KLHL1: variants seen among roughly 807,000 people sequenced by gnomAD.
KLHL1 encodes kelch like family member 1, also known as kelch-like protein 1.
Under a neutral mutation model 77.7 loss-of-function variants are expected in KLHL1, and 47 were observed. The ratio of observed to expected loss-of-function variants is 0.60; its 90% CI spans 0.48 to 0.77. The LOEUF is 0.77. KLHL1 is among the 30% of genes least tolerant of loss of function. The pLI, the probability that KLHL1 is intolerant of heterozygous loss-of-function variation, is 0.00. For missense variants in KLHL1, 925 were observed against 910.8 expected, an observed-to-expected ratio of 1.02 and a Z score of -0.20; for synonymous variants, 360 against 325.2, an observed-to-expected ratio of 1.11 and a Z score of -1.15.
chr13:69,932,784 TA>T (rs1159304846), intron 4 of KLHL1, among the ~76,000 whole-genome samples: 1 of 151,818 alleles, frequency 6.6e-6, no homozygotes, highest in Non-Finnish European at 1.5e-5. Flanking sequence ...AATATGCAAA[TA>T]AGGACACTAA....
At chr13:69,865,828 A>G (rs1880347112) in intron 5 of KLHL1, among the ~76,000 whole-genome samples, 1 of 152,194 alleles carries the variant, frequency 6.6e-6, no homozygotes, top group Admixed American at 6.6e-5. Flanking sequence ...TCTCCTAAGA[A>G]ATTGATCAAT....
chr13:70,020,686 G>T (rs940666232), intron 1 of KLHL1, among the ~76,000 whole-genome samples: 1 of 151,856 alleles, frequency 6.6e-6, no homozygotes. Flanking sequence ...ATCACAAGTC[G>T]GCTGAATGCA....
chr13:70,012,476 G>A (rs1015320504), intron 1 of KLHL1, among the ~76,000 whole-genome samples: 3 of 151,952 alleles, frequency 2.0e-5, no homozygotes, highest in African/African-American at 4.8e-5. Context: ...TCCTTCCTAT[G>A]AACTCCAGGA....
At chr13:70,047,092 G>C (rs895830186) in intron 1 of KLHL1, among the ~76,000 whole-genome samples, 16 of 152,020 alleles carry the variant, frequency 1.1e-4, no homozygotes, top group African/African-American at 3.4e-4. Context: ...ACCCAACAGT[G>C]AACACAATAG....
chr13:70,098,773 C>T (rs1410490899), intron 1 of KLHL1, among the ~76,000 whole-genome samples: 1 of 151,548 alleles, frequency 6.6e-6, no homozygotes, highest in Non-Finnish European at 1.5e-5. Flanking sequence ...CATAGGATAT[C>T]TTAATGTTCC....
chr13:69,847,749 C>A (rs923690992), intron 5 of KLHL1, among the ~76,000 whole-genome samples: 2 of 151,330 alleles, frequency 1.3e-5, no homozygotes, highest in African/African-American at 4.8e-5. Flanking sequence ...TAAAAATAAA[C>A]TCAGAATTTG....
At chr13:70,062,364 G>T (rs1886912030) in intron 1 of KLHL1, among the ~76,000 whole-genome samples, 1 of 152,120 alleles carries the variant, frequency 6.6e-6, no homozygotes, top group African/African-American at 2.4e-5. Flanking sequence ...GATTCTCTAA[G>T]TATATTTGAA....
intron 1 of KLHL1, among the ~76,000 whole-genome samples, chr13:70,039,573 T>G (rs373593125): frequency 6.6e-6 from 1 of 151,276 alleles, no homozygotes; most frequent in African/African-American, 2.4e-5. Context: ...TTTTATTTAG[T>G]TTTTTTTTCT....
intron 4 of KLHL1, among the ~76,000 whole-genome samples, chr13:69,927,478 A>G (rs2138275386): frequency 6.6e-6 from 1 of 152,300 alleles, no homozygotes; most frequent in Non-Finnish European, 1.5e-5. Context: ...GAAGCGACCC[A>G]CAAAATTTAA....
chr13:69,760,347 T>TA (rs1874962261), intron 7 of KLHL1, among the ~76,000 whole-genome samples: 1 of 150,068 alleles, frequency 6.7e-6, no homozygotes, highest in African/African-American at 2.4e-5. Flanking sequence ...GTTAGGATAT[T>TA]TTATTATTAT....
At chr13:69,976,191 T>G (rs1331351815) in intron 1 of KLHL1, among the ~76,000 whole-genome samples, 1 of 152,028 alleles carries the variant, frequency 6.6e-6, no homozygotes. Context: ...TTAATTATAC[T>G]ATTCTAAATA....
At chr13:69,871,233 G>A (rs78685845) in intron 5 of KLHL1, among the ~76,000 whole-genome samples, 8,814 of 152,168 alleles carry the variant, frequency 0.058, 392 homozygotes, top group African/African-American at 0.12. Context: ...AACCACAGCT[G>A]GAGCAGCCTG....
intron 7 of KLHL1, among the ~76,000 whole-genome samples, chr13:69,784,672 C>A (rs1876415911): frequency 6.6e-6 from 1 of 151,314 alleles, no homozygotes. Flanking sequence ...CAGGAGCACC[C>A]AGATTCATAA....
intron 1 of KLHL1, among the ~76,000 whole-genome samples, chr13:70,057,775 T>A (rs1322747576): frequency 9.4e-5 from 7 of 74,086 alleles, no homozygotes; most frequent in African/African-American, 3.7e-4. Context: ...AGAGCGAGAC[T>A]CCGTCTCAAA....
chr13:69,721,986 TTC>T (rs1336417864), intron 8 of KLHL1, among the ~76,000 whole-genome samples: 2 of 152,114 alleles, frequency 1.3e-5, no homozygotes, highest in Admixed American at 6.6e-5. Context: ...CCTCACTTAC[TTC>T]TGTTTCATTT....
At chr13:69,948,991 C>T (rs1164628252) in intron 3 of KLHL1, among the ~76,000 whole-genome samples, 3 of 151,806 alleles carry the variant, frequency 2.0e-5, no homozygotes, top group Non-Finnish European at 4.4e-5. Context: ...TTTAGTAACT[C>T]ATAGGTATTT....
At chr13:69,845,990 T>A (rs1879443663) in intron 5 of KLHL1, among the ~76,000 whole-genome samples, 1 of 151,492 alleles carries the variant, frequency 6.6e-6, no homozygotes, top group Non-Finnish European at 1.5e-5. Context: ...CAGGAAAATG[T>A]CTCTTTGCAA....
chr13:69,763,640 C>A (rs971904883), intron 7 of KLHL1, among the ~76,000 whole-genome samples: 1 of 152,192 alleles, frequency 6.6e-6, no homozygotes, highest in Non-Finnish European at 1.5e-5. Context: ...ACTAAAGCCC[C>A]GTTTTGGTCA....
intron 1 of KLHL1, among the ~76,000 whole-genome samples, chr13:69,992,674 C>T (rs1885055679): frequency 1.3e-5 from 2 of 151,946 alleles, no homozygotes; most frequent in African/African-American, 2.4e-5. Flanking sequence ...TATTTTACTT[C>T]ATTATTCCAA....
Sources: allele counts gnomAD v4.1 joint callset (sites outside exome capture counted in the v4.1 genomes callset), GRCh38; gene constraint gnomAD v4.1.1; transcripts MANE v1.5; gene names NCBI Gene and HGNC (gene_info 2026-07-23, HGNC 2026-07-21).